Variants in AK9 observed in about 807,000 individuals in gnomAD.
The protein encoded by AK9 is adenylate kinase domain containing 1.
Under a neutral mutation model 239.6 loss-of-function variants are expected in AK9, and 191 were observed. The ratio of observed to expected loss-of-function variants is 0.80; its 90% CI spans 0.71 to 0.90. AK9 has a LOEUF of 0.90. AK9 is among the 40% of genes least tolerant of loss of function. The pLI is 0.00. For synonymous variants in AK9, 689 were observed against 721.0 expected, an observed-to-expected ratio of 0.96 and a Z score of 0.71; for missense variants, 1,995 against 2,214.7, an observed-to-expected ratio of 0.90 and a Z score of 1.99.
chr6:109,533,816 A>G (rs1352004548), intron 27 of AK9, among the ~76,000 whole-genome samples: 3 of 152,186 alleles, frequency 2.0e-5, no homozygotes, highest in Admixed American at 2.0e-4. Flanking sequence ...AATTGTAGTC[A>G]ATCAGTTTAC....
chr6:109,497,976 A>G lies in AK9; in HGVS notation c.5047-11T>C. ...GTTCTCCAAGAATTTCTATTAAAAAAGAATTCCAGTAGCAACATGATTTAA... is the reference window on the plus strand; with the variant it reads ...GTTCTCCAAGAATTTCTATTAAAAAGGAATTCCAGTAGCAACATGATTTAA... On this transcript the variant is annotated splice_polypyrimidine_tract_variant and intron_variant, in intron 36 of 40. Transcript: ENST00000424296. 6.2e-7 allele frequency: 1 copy of G among 1,612,110 alleles called. No individual in the cohort carries two copies. Among genetic ancestry groups the G allele is most frequent in the Non-Finnish European group, 8.5e-7 (1 of 1,178,402 alleles).
intron 26 of AK9, among the ~76,000 whole-genome samples, chr6:109,543,911 G>C (rs1783201851): frequency 6.6e-6 from 1 of 152,014 alleles, no homozygotes; most frequent in Admixed American, 6.6e-5. Flanking sequence ...TTGAAGTCTG[G>C]AGTTTGAGAC....
Position 109,573,576 on chromosome 6 carries a change from T to C in AK9, c.2210A>G (p.Asn737Ser). ...VKAKEAEETD[N>S]EDEEEIEGDE... ...ACCTTCAATCTCCTCTTCATCCTCATTATCAGTCTCTTCAGCTTCTAAAAA... is the reference window on the plus strand; with the variant it reads ...ACCTTCAATCTCCTCTTCATCCTCACTATCAGTCTCTTCAGCTTCTAAAAA... The change falls in exon 21 of 41, where the codon AAT becomes AGT. Residue 737 changes from asparagine (N) to serine (S), a missense_variant. Physicochemically the swap from Asn to Ser is conservative, Grantham distance 46. Coordinates refer to ENST00000424296, the MANE Select transcript of AK9 (RefSeq NM_001145128.3). 1.3e-6 allele frequency: 2 copies of C among 1,547,968 alleles called. No individual in the cohort carries two copies. The highest frequency in any genetic ancestry group is 2.0e-5 in the Admixed American group (1 of 50,140).
intron 27 of AK9, among the ~76,000 whole-genome samples, chr6:109,534,776 C>G (rs1781754761): frequency 6.6e-6 from 1 of 151,904 alleles, no homozygotes; most frequent in African/African-American, 2.4e-5. Context: ...CCACAACAGG[C>G]CCCAGTGTGT....
chr6:109,646,401 T>C (rs1384356393), intron 8 of AK9, among the ~76,000 whole-genome samples: 1 of 152,044 alleles, frequency 6.6e-6, no homozygotes, highest in Non-Finnish European at 1.5e-5. Context: ...AGACCTTAAA[T>C]GACATGATGG....
intron 21 of AK9, among the ~76,000 whole-genome samples, chr6:109,570,841 A>G (rs919608587): frequency 2.6e-5 from 4 of 152,332 alleles, no homozygotes; most frequent in South Asian, 2.1e-4. Context: ...GAAGAGCTCA[A>G]TGAATTCCCG....
At chr6:109,631,488 A>C (rs1796082934) in intron 12 of AK9, among the ~76,000 whole-genome samples, 1 of 152,214 alleles carries the variant, frequency 6.6e-6, no homozygotes. Flanking sequence ...AGATACTATT[A>C]TACACTCACT....
chr6:109,538,399 T>C (rs1782336880), intron 27 of AK9, among the ~76,000 whole-genome samples: 1 of 152,240 alleles, frequency 6.6e-6, no homozygotes, highest in African/African-American at 2.4e-5. Context: ...TGGTTGAAAG[T>C]CTGTTTTATC....
intron 29 of AK9, chr6:109,528,413 A>C: frequency 2.6e-6 from 1 of 380,188 alleles, no homozygotes; most frequent in South Asian, 2.0e-5. Flanking sequence ...ACAAAGCTCA[A>C]TTAATGTTTG....
intron 28 of AK9, among the ~76,000 whole-genome samples, chr6:109,532,527 C>T (rs1781411269): frequency 6.6e-6 from 1 of 152,172 alleles, no homozygotes; most frequent in Non-Finnish European, 1.5e-5. Context: ...TGCCTGGCTT[C>T]TGTCACTCAG....
At chr6:109,573,304 C>T (rs1787661719) in intron 21 of AK9, 138 bp downstream of exon 21, 1 of 913,704 alleles carries the variant, frequency 1.1e-6, no homozygotes, top group Non-Finnish European at 1.5e-6. Flanking sequence ...GATTTGGACT[C>T]AATGGCTGCT....
intron 28 of AK9, among the ~76,000 whole-genome samples, chr6:109,531,713 G>A (rs749517): frequency 0.35 from 52,481 of 151,912 alleles, 9,542 homozygotes; most frequent in South Asian, 0.44. Flanking sequence ...GACAACATAT[G>A]AATGTGCTTT....
chr6:109,632,493 A>G (rs893342656), intron 12 of AK9: 4 of 284,000 alleles, frequency 1.4e-5, no homozygotes, highest in African/African-American at 6.8e-5. Flanking sequence ...GAACAAGATT[A>G]CTGAGGGAGG....
In AK9 at chr6:109,586,073, C is replaced by G. The variant is rs968574929; in HGVS notation, c.1843-1G>C. ...ACCTATCCTTGTTTTCTTCCATTAC[C>G]TGTGAAAAATTGTACACTGATATTA... On this transcript the variant is annotated splice_acceptor_variant, in intron 17 of 40. Coordinates refer to ENST00000424296, the MANE Select transcript of AK9 (RefSeq NM_001145128.3). LOFTEE classifies it high-confidence loss of function. 29 of 1,548,732 alleles carry G rather than the reference C, an allele frequency of 1.9e-5. No individual in the cohort carries two copies. The highest frequency in any genetic ancestry group is 2.5e-5 in the Non-Finnish European group (29 of 1,146,056).
At chr6:109,684,114 T>C (rs907113302) in intron 1 of AK9, among the ~76,000 whole-genome samples, 1 of 152,198 alleles carries the variant, frequency 6.6e-6, no homozygotes, top group South Asian at 2.1e-4. Context: ...AACCATCTGA[T>C]CTTTGACAAA....
intron 20 of AK9, among the ~76,000 whole-genome samples, chr6:109,579,180 CT>C (rs1472359251): frequency 6.6e-6 from 1 of 152,156 alleles, no homozygotes; most frequent in Non-Finnish European, 1.5e-5. Context: ...TTCTCAACTC[CT>C]GTAGGATGGT....
chr6:109,509,682 G>C (rs1377564197), intron 32 of AK9, among the ~76,000 whole-genome samples: 3 of 152,128 alleles, frequency 2.0e-5, no homozygotes, highest in African/African-American at 7.2e-5. Context: ...GCTCTTGGAG[G>C]CAGCCAGGAG....
At position 109,619,175 on chromosome 6, in the gene AK9, T is replaced by C. The variant is rs539787849; in HGVS notation, c.1316A>G (p.Glu439Gly). 1.1e-5 allele frequency: 17 copies of C among 1,550,550 alleles called. No homozygotes were observed. Among genetic ancestry groups the C allele is most frequent in the Non-Finnish European group, 1.3e-5 (15 of 1,146,462 alleles). ...TGCAGTGGCCTCAGCTATGGTATTT[T>C]CTACTAATGTTTCACGGGCTTTATC... Reference protein sequence around the residue: ...RFDKARETLVENTIAEATAAA... With the variant: ...RFDKARETLVGNTIAEATAAA... The change falls in exon 13 of 41, where the codon GAA becomes GGA. Residue 439 changes from glutamate (E) to glycine (G), a missense_variant. Transcript: ENST00000424296.
At chr6:109,567,239 A>G (rs146127935) in intron 21 of AK9, among the ~76,000 whole-genome samples, 2,236 of 152,234 alleles carry the variant, frequency 0.015, 59 homozygotes, top group African/African-American at 0.051. Context: ...AAAAAATGAT[A>G]AAGGGGATAT....
Sources: allele counts gnomAD v4.1 joint callset (sites outside exome capture counted in the v4.1 genomes callset), GRCh38; gene constraint gnomAD v4.1.1; transcripts MANE v1.5; gene names NCBI Gene and HGNC (gene_info 2026-07-23, HGNC 2026-07-21).